The following ALK variants were observed in gnomAD, a reference collection of about 807,000 sequenced individuals.
The protein encoded by ALK is ALK tyrosine kinase receptor.
Under a neutral mutation model 163.1 loss-of-function variants are expected in ALK, and 74 were observed. The observed-to-expected ratio is 0.45, with a 90% CI of 0.38 to 0.55. The LOEUF is 0.55. Among genes scored for constraint, ALK ranks in the 20% least tolerant of loss-of-function variants. ALK has a pLI of 0.00. For synonymous variants in ALK, 960 were observed against 843.2 expected (o/e 1.14, Z -2.40); for missense variants, 2,063 against 2,105.3 (o/e 0.98, Z 0.39).
intron 3 of ALK, among the ~76,000 whole-genome samples, chr2:29,633,767 A>G (rs1676447652): frequency 6.6e-6 from 1 of 152,206 alleles, no homozygotes; most frequent in African/African-American, 2.4e-5. Context: ...CAAAAGCGTA[A>G]TAAGGGAATA....
At chr2:29,699,858 A>G (rs1678680946) in intron 2 of ALK, among the ~76,000 whole-genome samples, 1 of 152,206 alleles carries the variant, frequency 6.6e-6, no homozygotes, top group Non-Finnish European at 1.5e-5. Context: ...ACCTTCTGGA[A>G]AAGATCTGCC....
At chr2:29,715,541 T>C (rs745305775) in intron 2 of ALK, among the ~76,000 whole-genome samples, 1 of 152,250 alleles carries the variant, frequency 6.6e-6, no homozygotes, top group Non-Finnish European at 1.5e-5. Flanking sequence ...TAAGCTTTCA[T>C]GATTTTCTCC....
chr2:29,820,876 T>C (rs1665028732), intron 1 of ALK, among the ~76,000 whole-genome samples: 1 of 152,220 alleles, frequency 6.6e-6, no homozygotes, highest in Non-Finnish European at 1.5e-5. Flanking sequence ...CTCTTTCCCC[T>C]TCTCCTTCTG....
chr2:29,760,801 C>A (rs2148336958), intron 1 of ALK, among the ~76,000 whole-genome samples: 1 of 152,308 alleles, frequency 6.6e-6, no homozygotes, highest in East Asian at 1.9e-4. Context: ...GCAGACAACT[C>A]AAAAACCTAT....
At chr2:29,586,936 T>G (rs1444193972) in intron 3 of ALK, among the ~76,000 whole-genome samples, 2 of 152,196 alleles carry the variant, frequency 1.3e-5, no homozygotes, top group East Asian at 3.8e-4. Flanking sequence ...CCCAGACTCC[T>G]GGGACCAGTT....
At chr2:29,914,604 C>A (rs1250625590) in intron 1 of ALK, among the ~76,000 whole-genome samples, 1 of 152,228 alleles carries the variant, frequency 6.6e-6, no homozygotes, top group Non-Finnish European at 1.5e-5. Flanking sequence ...CATGACAACA[C>A]CTTGAACTAT....
At chr2:29,391,138 T>G (rs1342512192) in intron 4 of ALK, among the ~76,000 whole-genome samples, 1 of 152,160 alleles carries the variant, frequency 6.6e-6, no homozygotes, top group African/African-American at 2.4e-5. Context: ...CAGTTTTCAT[T>G]TCATCAGAGA....
intron 24 of ALK, among the ~76,000 whole-genome samples, chr2:29,210,296 G>T (rs749944367): frequency 5.3e-5 from 8 of 152,192 alleles, no homozygotes; most frequent in Non-Finnish European, 8.8e-5. Context: ...AGGGCCATAA[G>T]GAATGCTATC....
chr2:29,878,559 G>A (rs1484144382), intron 1 of ALK, among the ~76,000 whole-genome samples: 1 of 152,188 alleles, frequency 6.6e-6, no homozygotes, highest in Non-Finnish European at 1.5e-5. Context: ...TCCTGTTGAG[G>A]CATTTTAAAA....
chr2:29,506,509 G>A (rs959502486), intron 4 of ALK, among the ~76,000 whole-genome samples: 5 of 152,292 alleles, frequency 3.3e-5, no homozygotes, highest in East Asian at 1.9e-4. Flanking sequence ...CACTTTGGGA[G>A]GCCGAGGCGG....
intron 4 of ALK, among the ~76,000 whole-genome samples, chr2:29,464,873 T>C (rs1016176787): frequency 2.0e-5 from 3 of 152,144 alleles, no homozygotes; most frequent in Non-Finnish European, 4.4e-5. Context: ...AACAGATCAT[T>C]AGACTTGAAG....
intron 3 of ALK, among the ~76,000 whole-genome samples, chr2:29,614,856 C>A (rs1675796888): frequency 6.6e-6 from 1 of 152,176 alleles, no homozygotes. Context: ...TCAATTCCCA[C>A]TTTTTCTTGT....
intron 4 of ALK, among the ~76,000 whole-genome samples, chr2:29,413,154 A>C (rs1052577602): frequency 6.6e-6 from 1 of 152,204 alleles, no homozygotes; most frequent in Non-Finnish European, 1.5e-5. Context: ...AGGGACCATG[A>C]TGAACAAAAC....
chr2:29,830,360 T>G (rs1162949429), intron 1 of ALK, among the ~76,000 whole-genome samples: 2 of 152,156 alleles, frequency 1.3e-5, no homozygotes, highest in African/African-American at 4.8e-5. Context: ...GACCTGGGCA[T>G]AGCCTAGTAT....
intron 11 of ALK, among the ~76,000 whole-genome samples, chr2:29,268,708 G>C (rs1264020551): frequency 3.3e-5 from 5 of 152,208 alleles, no homozygotes; most frequent in Non-Finnish European, 7.3e-5. Context: ...CCTTATGCTG[G>C]TCAGCAATTG....
chr2:29,328,305 G>C (rs1441352760), intron 6 of ALK, 45 bp downstream of exon 6: 1 of 1,613,776 alleles, frequency 6.2e-7, no homozygotes, highest in Non-Finnish European at 8.5e-7. Context: ...GGGGTTATGA[G>C]CATGGGCTGG....
rs1185384796 is a variant in ALK, at chr2:29,587,917, T to A, written c.953-55801A>T. On this transcript the variant is annotated intron_variant, in intron 3 of 28. Transcript: ENST00000389048. The stretch of plus-strand genomic sequence containing the variant: ...GGGTAGAGTAGAGCTCTGTAGCATG[T>A]GGAAGGCCAACTTTCCCTGCATCTA... Among the ~76,000 whole-genome samples the A allele has an allele frequency of 2.0e-5, 3 of 152,358 alleles. No homozygotes were observed. The East Asian group carries it at 5.8e-4, about 29-fold the overall frequency.
At chr2:29,211,182 A>G (rs1020752515) in intron 24 of ALK, among the ~76,000 whole-genome samples, 1 of 152,212 alleles carries the variant, frequency 6.6e-6, no homozygotes, top group Non-Finnish European at 1.5e-5. Context: ...TTCAGGTAGG[A>G]GATTCATGTT....
At chr2:29,217,176 GTGT>G (rs1669659759) in intron 23 of ALK, among the ~76,000 whole-genome samples, 3 of 151,014 alleles carry the variant, frequency 2.0e-5, no homozygotes, top group Non-Finnish European at 4.4e-5. Context: ...ATATGTCTGT[GTGT>G]TGTGTACATG....
Sources: allele counts gnomAD v4.1 joint callset (sites outside exome capture counted in the v4.1 genomes callset), GRCh38; gene constraint gnomAD v4.1.1; transcripts MANE v1.5; gene names NCBI Gene and HGNC (gene_info 2026-07-23, HGNC 2026-07-21).